TBL1XR1: variants seen among roughly 807,000 people sequenced by gnomAD.
The protein encoded by TBL1XR1 is F-box-like/WD repeat-containing protein TBL1XR1.
Under a neutral mutation model 66.9 loss-of-function variants are expected in TBL1XR1, and 5 were observed. The ratio of observed to expected loss-of-function variants is 0.07; its 90% CI spans 0.04 to 0.16. The LOEUF is 0.16. Among genes scored for constraint, TBL1XR1 ranks in the 10% least tolerant of loss-of-function variants. The pLI, the probability that TBL1XR1 is intolerant of heterozygous loss-of-function variation, is 1.00. For synonymous variants in TBL1XR1, 210 were observed against 206.0 expected, an observed-to-expected ratio of 1.02 and a Z score of -0.17; for missense variants, 238 against 623.2, an observed-to-expected ratio of 0.38 and a Z score of 6.58.
intron 1 of TBL1XR1, among the ~76,000 whole-genome samples, chr3:177,119,446 A>T (rs1726718339): frequency 6.6e-6 from 1 of 151,900 alleles, no homozygotes; most frequent in Non-Finnish European, 1.5e-5. Context: ...GCTTCTTTTG[A>T]TTTTGTTTAG....
intron 1 of TBL1XR1, among the ~76,000 whole-genome samples, chr3:177,122,336 T>G (rs1727074467): frequency 6.7e-6 from 1 of 149,712 alleles, no homozygotes; most frequent in Non-Finnish European, 1.5e-5. Context: ...ATCTAGGAAT[T>G]CAGTTAAGAA....
chr3:177,088,612 A>G (rs1307453775), intron 2 of TBL1XR1, among the ~76,000 whole-genome samples: 1 of 152,076 alleles, frequency 6.6e-6, no homozygotes, highest in Non-Finnish European at 1.5e-5. Context: ...CACAGCTTCC[A>G]TTTTAGGCTC....
chr3:177,196,688 A>C (rs996297074), intron 1 of TBL1XR1, among the ~76,000 whole-genome samples: 1 of 151,846 alleles, frequency 6.6e-6, no homozygotes, highest in Non-Finnish European at 1.5e-5. Flanking sequence ...AGTCGGCCTC[A>C]TGATGGCTCC....
chr3:177,135,389 ATT>A (rs1335140290), intron 1 of TBL1XR1, among the ~76,000 whole-genome samples: 3 of 81,982 alleles, frequency 3.7e-5, no homozygotes, highest in South Asian at 8.1e-4. Flanking sequence ...ATATGTATGT[ATT>A]TTTTTTTTAA....
intron 1 of TBL1XR1, among the ~76,000 whole-genome samples, chr3:177,101,837 G>A (rs759845699): frequency 2.6e-5 from 4 of 152,078 alleles, no homozygotes; most frequent in Non-Finnish European, 5.9e-5. Flanking sequence ...ATGTATCACC[G>A]GTGCTTTGCG....
chr3:177,050,749 A>G, intron 5 of TBL1XR1, 139 bp from the exon 6 acceptor site: 2 of 712,368 alleles, frequency 2.8e-6, no homozygotes, highest in Non-Finnish European at 4.3e-6. Flanking sequence ...TAAGCTGAAC[A>G]TGACTACACA....
At chr3:177,090,989 A>AAAGAAGAAAAGAAAG (rs1214404559) in intron 2 of TBL1XR1, among the ~76,000 whole-genome samples, 5 of 151,932 alleles carry the variant, frequency 3.3e-5, no homozygotes, top group Admixed American at 2.0e-4. Flanking sequence ...ACCCTGCTGA[A>AAAGAAGAAAAGAAAG]AAGAAGAAAA....
At chr3:177,044,413 A>G (rs892300704) in intron 10 of TBL1XR1, among the ~76,000 whole-genome samples, 1 of 152,154 alleles carries the variant, frequency 6.6e-6, no homozygotes, top group African/African-American at 2.4e-5. Flanking sequence ...TATTTTGTAT[A>G]TTGCAGGAAT....
intron 2 of TBL1XR1, among the ~76,000 whole-genome samples, chr3:177,087,482 G>T (rs1722291485): frequency 6.6e-6 from 1 of 152,094 alleles, no homozygotes; most frequent in Non-Finnish European, 1.5e-5. Context: ...CCTTACAGGT[G>T]CTAGTAAATC....
chr3:177,133,563 C>A (rs2108794049), intron 1 of TBL1XR1, among the ~76,000 whole-genome samples: 1 of 152,226 alleles, frequency 6.6e-6, no homozygotes, highest in South Asian at 2.1e-4. Context: ...AGAAGTAACA[C>A]TACATGTTAT....
At chr3:177,108,864 GAA>G (rs1366363911) in intron 1 of TBL1XR1, among the ~76,000 whole-genome samples, 1 of 152,242 alleles carries the variant, frequency 6.6e-6, no homozygotes, top group African/African-American at 2.4e-5. Context: ...AAGGAAGGAA[GAA>G]ACAGAAAACA....
At chr3:177,163,322 C>A (rs1449235773) in intron 1 of TBL1XR1, among the ~76,000 whole-genome samples, 1 of 152,062 alleles carries the variant, frequency 6.6e-6, no homozygotes, top group Non-Finnish European at 1.5e-5. Flanking sequence ...GCCCTGCCAA[C>A]ATGAGGAAAC....
intron 4 of TBL1XR1, 138 bp downstream of exon 4, chr3:177,053,632 TACC>T (rs1717404689): frequency 1.3e-5 from 10 of 761,976 alleles, no homozygotes; most frequent in South Asian, 3.6e-5. Flanking sequence ...GCAACCTGAC[TACC>T]ACATTAGGGA....
At chr3:177,094,435 G>T (rs1299748096) in intron 2 of TBL1XR1, among the ~76,000 whole-genome samples, 1 of 152,204 alleles carries the variant, frequency 6.6e-6, no homozygotes, top group East Asian at 1.9e-4. Context: ...AGAACTAACA[G>T]TAGAACTACC....
chr3:177,097,415 T>G (rs1723637686), intron 2 of TBL1XR1, among the ~76,000 whole-genome samples: 1 of 152,162 alleles, frequency 6.6e-6, no homozygotes, highest in Admixed American at 6.5e-5. Flanking sequence ...CAGTTAACAA[T>G]GATAAGCACT....
rs571361204 is a variant in TBL1XR1 at position 177,187,943 on chromosome 3, C to CTTTTTTTTTTTTTTT, written c.-122+9163_-122+9177dup. Among the ~76,000 whole-genome samples, 37 of 77,836 alleles carry CTTTTTTTTTTTTTTT rather than the reference C, an allele frequency of 4.8e-4. 3 individuals are homozygous for CTTTTTTTTTTTTTTT. Among genetic ancestry groups the CTTTTTTTTTTTTTTT allele is most frequent in the African/African-American group, 2.3e-3 (34 of 15,094 alleles). 51.1% of individuals were successfully genotyped at this position (77,836 alleles called of 152,430 possible). On this transcript the variant is annotated intron_variant, in intron 1 of 15. Transcript: ENST00000457928. Reference sequence around the variant, plus strand: ...GCTTGAGAGTCCAGAGTACAATTTCCTTTTTTTTTTTTTTTTTTTTTTTTG... The same window carrying CTTTTTTTTTTTTTTT: ...GCTTGAGAGTCCAGAGTACAATTTCCTTTTTTTTTTTTTTTTTTTTTTTTTTTTTTTTTTTTTTTG...
Position 177,020,643 on chromosome 3 carries a change from T to C in TBL1XR1, c.*4855A>G, listed in dbSNP as rs913538120. On this transcript the variant is annotated 3_prime_UTR_variant, in exon 16 of 16. Coordinates refer to ENST00000457928, the MANE Select transcript of TBL1XR1 (RefSeq NM_024665.7). The stretch of plus-strand genomic sequence containing the variant: ...ACTGGAGAAGTAAAAGCAATTAAAA[T>C]GTAAACAAACTGTAAACAAGAAATA... 2.0e-5 allele frequency: 3 copies of C among 152,264 alleles called. No individual in the cohort carries two copies. Among genetic ancestry groups the C allele is most frequent in the Middle Eastern group, 3.4e-3 (1 of 294 alleles). 9.4% of individuals were successfully genotyped at this position (152,264 alleles called of 1,614,324 possible). A position where few individuals can be genotyped will look rare whatever the true frequency, so the allele number is the denominator to read the frequency against.
At chr3:177,198,440 C>G (rs778501674), upstream of TBL1XR1, among the ~76,000 whole-genome samples, 17 of 152,172 alleles carry the variant, frequency 1.1e-4, no homozygotes, top group Non-Finnish European at 2.5e-4. Flanking sequence ...AGTTTATCCA[C>G]TTTGTGTACT....
At chr3:177,192,215 G>A (rs888696936) in intron 1 of TBL1XR1, among the ~76,000 whole-genome samples, 7 of 151,690 alleles carry the variant, frequency 4.6e-5, no homozygotes, top group East Asian at 1.9e-4. Context: ...GTGAAACCCC[G>A]TCTCTACTAA....
Sources: gnomAD v4.1 joint callset for allele counts (sites outside exome capture counted in the v4.1 genomes callset) on GRCh38, gnomAD v4.1.1 for gene constraint, MANE v1.5 for transcripts, NCBI Gene and HGNC (gene_info 2026-07-23, HGNC 2026-07-21) for gene names.